The following CNTNAP4 variants were observed in gnomAD, a reference collection of about 807,000 sequenced individuals.
CNTNAP4 encodes the protein contactin-associated protein-like 4.
Under a neutral mutation model 148.4 loss-of-function variants are expected in CNTNAP4, and 98 were observed. The observed-to-expected ratio is 0.66, with a 90% CI of 0.56 to 0.78. The LOEUF (loss-of-function observed/expected upper bound fraction) is 0.78. CNTNAP4 is among the 30% of genes least tolerant of loss of function. CNTNAP4 has a pLI of 0.00. For synonymous variants in CNTNAP4, 730 were observed against 565.1 expected, an observed-to-expected ratio of 1.29 and a Z score of -4.14; for missense variants, 1,935 against 1,565.6, an observed-to-expected ratio of 1.24 and a Z score of -3.98.
intron 13 of CNTNAP4, among the ~76,000 whole-genome samples, chr16:76,490,626 G>C (rs2082183995): frequency 6.6e-6 from 1 of 152,066 alleles, no homozygotes; most frequent in Non-Finnish European, 1.5e-5. Flanking sequence ...CAAAATATTA[G>C]TCTCTATGAA....
chr16:76,420,882 A>C (rs2079166841), intron 3 of CNTNAP4, among the ~76,000 whole-genome samples: 1 of 151,964 alleles, frequency 6.6e-6, no homozygotes, highest in African/African-American at 2.4e-5. Context: ...CAGAATTTCC[A>C]GTCTAGCAGT....
intron 3 of CNTNAP4, among the ~76,000 whole-genome samples, chr16:76,426,882 A>G (rs2079423199): frequency 2.0e-5 from 3 of 152,130 alleles, no homozygotes; most frequent in African/African-American, 4.8e-5. Flanking sequence ...TCCCTTCACA[A>G]TTTGAATGTG....
At chr16:76,542,678 A>T (rs576539290) in intron 21 of CNTNAP4, among the ~76,000 whole-genome samples, 1 of 152,288 alleles carries the variant, frequency 6.6e-6, no homozygotes, top group Non-Finnish European at 1.5e-5. Flanking sequence ...AGGCTCACAG[A>T]AGACTCAGCT....
At chr16:76,358,469 A>T (rs2012990062) in intron 3 of CNTNAP4, among the ~76,000 whole-genome samples, 1 of 152,248 alleles carries the variant, frequency 6.6e-6, no homozygotes, top group South Asian at 2.1e-4. Context: ...CAGAATATGG[A>T]GATCATTGTA....
intron 4 of CNTNAP4, among the ~76,000 whole-genome samples, chr16:76,441,019 C>T (rs1318910334): frequency 2.0e-5 from 3 of 152,002 alleles, no homozygotes; most frequent in Non-Finnish European, 2.9e-5. Context: ...GTTTGCTGCT[C>T]AAGAAGGTAA....
chr16:76,496,840 C>T (rs971205079), intron 14 of CNTNAP4, among the ~76,000 whole-genome samples: 2 of 152,126 alleles, frequency 1.3e-5, no homozygotes, highest in Non-Finnish European at 2.9e-5. Context: ...GCAGTTATTA[C>T]AAACCAACCT....
At chr16:76,532,355 C>G (rs983330167) in intron 17 of CNTNAP4, among the ~76,000 whole-genome samples, 2 of 152,146 alleles carry the variant, frequency 1.3e-5, no homozygotes, top group Admixed American at 6.6e-5. Flanking sequence ...CTCAGATGGA[C>G]CTGTGGACCA....
chr16:76,447,414 A>T (rs566948396), intron 4 of CNTNAP4, among the ~76,000 whole-genome samples: 1 of 151,692 alleles, frequency 6.6e-6, no homozygotes, highest in Non-Finnish European at 1.5e-5. Context: ...TAGATCATGA[A>T]TTTTGTAAAC....
chr16:76,436,046 C>T (rs1045411720), intron 4 of CNTNAP4, among the ~76,000 whole-genome samples: 1 of 152,102 alleles, frequency 6.6e-6, no homozygotes, highest in Non-Finnish European at 1.5e-5. Flanking sequence ...CCTCTAGGGG[C>T]CCGCCAGGAC....
At chr16:76,492,549 G>T (rs902205114) in intron 13 of CNTNAP4, among the ~76,000 whole-genome samples, 1 of 152,122 alleles carries the variant, frequency 6.6e-6, no homozygotes, top group African/African-American at 2.4e-5. Flanking sequence ...ATATGGTTTG[G>T]CTGTGTCCCC....
intron 8 of CNTNAP4, among the ~76,000 whole-genome samples, chr16:76,461,700 A>G (rs1214032310): frequency 6.6e-6 from 1 of 152,218 alleles, no homozygotes; most frequent in Admixed American, 6.5e-5. Flanking sequence ...GGAAGCTGAA[A>G]TCAATCTATG....
intron 10 of CNTNAP4, among the ~76,000 whole-genome samples, chr16:76,474,636 A>C (rs2081497899): frequency 6.6e-6 from 1 of 152,194 alleles, no homozygotes; most frequent in African/African-American, 2.4e-5. Flanking sequence ...GAATGAGGGC[A>C]TTTAAAGTCT....
At chr16:76,394,159 G>T (rs1429348432) in intron 3 of CNTNAP4, among the ~76,000 whole-genome samples, 3 of 152,124 alleles carry the variant, frequency 2.0e-5, no homozygotes, top group African/African-American at 7.2e-5. Flanking sequence ...TTATCATTTG[G>T]CATTCATCGT....
intron 10 of CNTNAP4, among the ~76,000 whole-genome samples, 200 bp from the exon 11 acceptor site, chr16:76,475,739 A>C (rs866759104): frequency 6.6e-6 from 1 of 152,222 alleles, no homozygotes; most frequent in Non-Finnish European, 1.5e-5. Flanking sequence ...AGTCACAACT[A>C]TCTGAGAATT....
chr16:76,337,620 CAG>C (rs1423401890), intron 2 of CNTNAP4, among the ~76,000 whole-genome samples: 1 of 152,142 alleles, frequency 6.6e-6, no homozygotes, highest in East Asian at 1.9e-4. Flanking sequence ...TAACAGGAAA[CAG>C]GGTTCGAGAG....
chr16:76,462,668 C>A (rs2081021589), intron 9 of CNTNAP4, among the ~76,000 whole-genome samples: 1 of 152,150 alleles, frequency 6.6e-6, no homozygotes, highest in South Asian at 2.1e-4. Flanking sequence ...ATGAAGCATC[C>A]ACCCGCCCAG....
rs566240078 is a variant in CNTNAP4, at chr16:76,519,663, G to T, written c.2366-1477G>T. Among the ~76,000 whole-genome samples, 17 of 152,142 alleles carry T rather than the reference G, an allele frequency of 1.1e-4. 1 individual carries two copies. The highest frequency in any genetic ancestry group is 4.1e-4 in the African/African-American group (17 of 41,512). The stretch of plus-strand genomic sequence containing the variant: ...TTTTACATTTTCTTGCATTTATTTT[G>T]TCCTAGAGATCCAAAGGTCTAGTAC... On this transcript the variant is annotated intron_variant, in intron 15 of 23. Coordinates refer to ENST00000611870, the MANE Select transcript of CNTNAP4 (RefSeq NM_033401.5).
Position 76,300,865 on chromosome 16 carries a change from G to C in CNTNAP4, c.86-15548G>C, listed in dbSNP as rs554709220. ...CATTAGACACTATGACATATGTTAG[G>C]GAAGTACCTGGATGTCAAGGAAGGG... On this transcript the variant is annotated intron_variant, in intron 1 of 23. Coordinates refer to ENST00000611870, the MANE Select transcript of CNTNAP4 (RefSeq NM_033401.5). Among the ~76,000 whole-genome samples the C allele has an allele frequency of 9.2e-5, 14 of 152,000 alleles. No individual in the cohort carries two copies. In the East Asian group the frequency reaches 2.7e-3, roughly 29 times the overall value.
At chr16:76,316,563 C>A (rs1251465371) in intron 2 of CNTNAP4, 40 bp downstream of exon 2, 4 of 1,333,760 alleles carry the variant, frequency 3.0e-6, no homozygotes, top group Non-Finnish European at 4.3e-6. Flanking sequence ...CATAGAAAAT[C>A]TCACTAGTTT....
Sources: allele counts gnomAD v4.1 joint callset (sites outside exome capture counted in the v4.1 genomes callset), GRCh38; gene constraint gnomAD v4.1.1; transcripts MANE v1.5; gene names NCBI Gene and HGNC (gene_info 2026-07-23, HGNC 2026-07-21).